The following CARM1 variants were observed in gnomAD, a reference collection of about 807,000 sequenced individuals.
CARM1 encodes the protein coactivator associated arginine methyltransferase 1.
In CARM1, 14 loss-of-function variants were observed where a neutral mutation model predicts 72.7. The observed-to-expected ratio is 0.19, with a 90% CI of 0.13 to 0.30. The LOEUF is 0.30. CARM1 is among the 10% of genes least tolerant of loss of function. The probability of loss-of-function intolerance (pLI) is 1.00; values close to 1 mark genes in which losing one functional copy is unlikely to be tolerated. For synonymous variants in CARM1, 333 were observed against 345.5 expected (o/e 0.96, Z 0.40); for missense variants, 432 against 833.7 (o/e 0.52, Z 5.93).
In CARM1 at chr19:10,896,992, C is replaced by G. The variant is rs1172685297; in HGVS notation, c.221-7959C>G. ...CCATGCTCATTTGTTTACATATTGTCTGCTGCAAGGCAGAATAGAATCATT... is the reference window on the plus strand; with the variant it reads ...CCATGCTCATTTGTTTACATATTGTGTGCTGCAAGGCAGAATAGAATCATT... On this transcript the variant is annotated intron_variant, in intron 1 of 15. Coordinates refer to ENST00000327064, the MANE Select transcript of CARM1 (RefSeq NM_199141.2). The surrounding 1 kb of genome is among the most constrained non-coding windows in gnomAD (Gnocchi z 5.2). 3.3e-5 allele frequency among the ~76,000 whole-genome samples: 5 copies of G among 152,216 alleles called. No individual in the cohort carries two copies. Among genetic ancestry groups the G allele is most frequent in the Admixed American group, 3.3e-4 (5 of 15,286 alleles).
intron 1 of CARM1, among the ~76,000 whole-genome samples, chr19:10,902,783 TA>T (rs1471407035): frequency 1.3e-5 from 2 of 152,070 alleles, no homozygotes; most frequent in Non-Finnish European, 2.9e-5. Context: ...AATATTTTTA[TA>T]TTTTTAGTAG....
chr19:10,871,658 C>CGG lies in CARM1; in HGVS notation c.-45_-44insGG. 2.5e-6 allele frequency: 1 copy of CGG among 405,326 alleles called. No homozygotes were observed. Among genetic ancestry groups the CGG allele is most frequent in the African/African-American group, 2.7e-5 (1 of 37,012 alleles). The allele number at this position is 405,326 out of a possible 1,614,324, so 25.1% of individuals were successfully genotyped here. A position where few individuals can be genotyped will look rare whatever the true frequency, so the allele number is the denominator to read the frequency against. ...CGGCGGCAGCGGCGGCGGCCTGGGCCCGGGCGCAGCGGCGGCGGCGGCGGG... is the reference window on the plus strand; with the variant it reads ...CGGCGGCAGCGGCGGCGGCCTGGGCCGGCGGGCGCAGCGGCGGCGGCGGCGGG... On this transcript the variant is annotated 5_prime_UTR_variant, in exon 1 of 16. Transcript: ENST00000327064. This position sits in a 1 kb window ranked among gnomAD's most constrained non-coding sequence, Gnocchi z 5.6.
At chr19:10,882,646 A>C (rs190671001) in intron 1 of CARM1, among the ~76,000 whole-genome samples, 32 of 145,152 alleles carry the variant, frequency 2.2e-4, no homozygotes, top group African/African-American at 7.9e-4. Flanking sequence ...GGTTCAAGTG[A>C]TTCTTGTGCC....
rs373015230 is a variant in CARM1, at chr19:10,912,416, C to T, written c.669+122C>T. On this transcript the variant is annotated intron_variant, in intron 5 of 15. Coordinates refer to ENST00000327064, the MANE Select transcript of CARM1 (RefSeq NM_199141.2). The surrounding 1 kb of genome is among the most constrained non-coding windows in gnomAD (Gnocchi z 4.5). ...GGACATTACTTCTGTGCTTTGGTCT[C>T]TTTATTGTCCCCAAGACAGTCATTT... 60 of 695,832 alleles carry T rather than the reference C, an allele frequency of 8.6e-5. 3 individuals carry two copies. The highest frequency in any genetic ancestry group is 7.9e-4 in the African/African-American group (45 of 56,688). 43.1% of individuals were successfully genotyped at this position (695,832 alleles called of 1,614,324 possible).
Position 10,912,394 on chromosome 19 carries a change from C to T in CARM1, c.669+100C>T, listed in dbSNP as rs1337840262. 8.5e-6 allele frequency: 7 copies of T among 823,418 alleles called. No individual in the cohort carries two copies. The highest frequency in any genetic ancestry group is 1.7e-5 in the African/African-American group (1 of 59,578). 51.0% of individuals were successfully genotyped at this position (823,418 alleles called of 1,614,324 possible). A position where few individuals can be genotyped will look rare whatever the true frequency, so the allele number is the denominator to read the frequency against. On this transcript the variant is annotated intron_variant, in intron 5 of 15. Transcript: ENST00000327064. The surrounding 1 kb of genome is among the most constrained non-coding windows in gnomAD (Gnocchi z 4.5). ...TTGGGAACCCCCAGGGGCCTGGGGA[C>T]ATTACTTCTGTGCTTTGGTCTCTTT...
chr19:10,911,993 G>C (rs2074154398), intron 4 of CARM1, among the ~76,000 whole-genome samples, 191 bp from the exon 5 acceptor site: 1 of 152,218 alleles, frequency 6.6e-6, no homozygotes, highest in Non-Finnish European at 1.5e-5. Flanking sequence ...CTTCCCCAGG[G>C]CTTCTCCTCC....
At chr19:10,907,900 T>G (rs2074116423) in intron 2 of CARM1, 139 bp from the exon 3 acceptor site, 5 of 604,056 alleles carry the variant, frequency 8.3e-6, no homozygotes, top group Non-Finnish European at 1.5e-5. Flanking sequence ...GAAAATTGTT[T>G]TTCGGGGAAG....
At chr19:10,890,605 G>A (rs2073976677) in intron 1 of CARM1, among the ~76,000 whole-genome samples, 1 of 150,718 alleles carries the variant, frequency 6.6e-6, no homozygotes, top group South Asian at 2.1e-4. Flanking sequence ...GTACATACCT[G>A]TGGTCCCAGC....
chr19:10,910,303 C>T (rs1449620998), intron 4 of CARM1, among the ~76,000 whole-genome samples: 1 of 151,976 alleles, frequency 6.6e-6, no homozygotes, highest in African/African-American at 2.4e-5. Flanking sequence ...ATGGCAAAAG[C>T]CCATTTCTAC....
At chr19:10,906,872 T>G (rs1469187239) in intron 2 of CARM1, among the ~76,000 whole-genome samples, 2 of 105,630 alleles carry the variant, frequency 1.9e-5, no homozygotes, top group African/African-American at 7.0e-5. Flanking sequence ...TTTATTTTAT[T>G]TTATTTTATT....
chr19:10,906,207 G>A (rs2074102929), intron 2 of CARM1, among the ~76,000 whole-genome samples: 1 of 152,058 alleles, frequency 6.6e-6, no homozygotes, highest in Non-Finnish European at 1.5e-5. Context: ...ACCCGCCTCA[G>A]CCTCCCAACG....
intron 1 of CARM1, among the ~76,000 whole-genome samples, chr19:10,892,149 T>G (rs2073992936): frequency 6.6e-6 from 1 of 152,254 alleles, no homozygotes; most frequent in Non-Finnish European, 1.5e-5. Context: ...TTGCCACATC[T>G]TCATTTATTC....
chr19:10,878,802 C>T (rs1026313316), intron 1 of CARM1, among the ~76,000 whole-genome samples: 1 of 151,622 alleles, frequency 6.6e-6, no homozygotes, highest in African/African-American at 2.4e-5. Flanking sequence ...AGGTCCTCCC[C>T]CCGGCTTTTT....
chr19:10,885,286 C>T (rs2073933042), intron 1 of CARM1, among the ~76,000 whole-genome samples: 1 of 152,222 alleles, frequency 6.6e-6, no homozygotes, highest in Non-Finnish European at 1.5e-5. Flanking sequence ...GGAGAACCCC[C>T]TTTTATTCTT....
In CARM1 at chr19:10,921,033, T is replaced by C. The variant is rs556596409; in HGVS notation, c.1538-17T>C. On this transcript the variant is annotated splice_polypyrimidine_tract_variant and intron_variant, in intron 13 of 15. Coordinates refer to ENST00000327064, the MANE Select transcript of CARM1 (RefSeq NM_199141.2). ...CCCCTCTGCCTCCAGCCCTGACGTC[T>C]CCCTCTCTGGACACAGGGATGCCGA... 364 of 1,613,776 alleles carry C rather than the reference T, an allele frequency of 2.3e-4. 2 individuals carry two copies. The South Asian group carries it at 3.2e-3, about 14-fold the overall frequency.
In CARM1 at chr19:10,891,424, C is replaced by T. The variant is rs369825362; in HGVS notation, c.221-13527C>T. The stretch of plus-strand genomic sequence containing the variant: ...TGCTGGAATGCAGGTCAGGGAGCCC[C>T]GATGCCCTTGGGCTGACTGCCCCAC... On this transcript the variant is annotated intron_variant, in intron 1 of 15. Coordinates refer to ENST00000327064, the MANE Select transcript of CARM1 (RefSeq NM_199141.2). Among the ~76,000 whole-genome samples, 128 of 152,244 alleles carry T rather than the reference C, an allele frequency of 8.4e-4. 3 individuals are homozygous for T. In the South Asian group the frequency reaches 0.025, roughly 29 times the overall value.
rs935750247 is a variant in CARM1, at chr19:10,915,600, C to G, written c.848-807C>G. Among the ~76,000 whole-genome samples the G allele has an allele frequency of 6.6e-6, 1 of 152,146 alleles. No homozygotes were observed. The highest frequency in any genetic ancestry group is 2.4e-5 in the African/African-American group (1 of 41,444). ...AGCATGTGCATCTCCCTCCCCGTTC[C>G]AGCAGCTGCAGCCCTGCAGCTCTCG... On this transcript the variant is annotated intron_variant, in intron 6 of 15. Coordinates refer to ENST00000327064, the MANE Select transcript of CARM1 (RefSeq NM_199141.2). The surrounding 1 kb of genome is among the most constrained non-coding windows in gnomAD (Gnocchi z 4.6).
At position 10,916,538 on chromosome 19, in the gene CARM1, G is replaced by C. The variant is rs1478002237; in HGVS notation, c.938+41G>C. On this transcript the variant is annotated intron_variant, in intron 7 of 15. Coordinates refer to ENST00000327064, the MANE Select transcript of CARM1 (RefSeq NM_199141.2). This position sits in a 1 kb window ranked among gnomAD's most constrained non-coding sequence, Gnocchi z 4.4. The stretch of plus-strand genomic sequence containing the variant: ...GTGTCCCGCCTGGGCCCCACAGCCT[G>C]CCTTCTCAGGGACAGCCCCAGCTCC... 11 of 1,519,916 alleles carry C rather than the reference G, an allele frequency of 7.2e-6. No homozygotes were observed. The highest frequency in any genetic ancestry group is 1.0e-5 in the Non-Finnish European group (11 of 1,095,898). 94.2% of individuals were successfully genotyped at this position (1,519,916 alleles called of 1,614,324 possible).
chr19:10,910,590 G>T (rs1479872386), intron 4 of CARM1, among the ~76,000 whole-genome samples: 2 of 148,596 alleles, frequency 1.3e-5, no homozygotes, highest in Non-Finnish European at 3.0e-5. Context: ...TTTATGAGAT[G>T]GAGTCTTGCT....
Sources: gnomAD v4.1 joint callset for allele counts (sites outside exome capture counted in the v4.1 genomes callset) on GRCh38, gnomAD v4.1.1 for gene constraint, Gnocchi (gnomAD v3.1) non-coding constraint, MANE v1.5 for transcripts, NCBI Gene and HGNC (gene_info 2026-07-23, HGNC 2026-07-21) for gene names.